Variants in TSPAN5 observed in about 807,000 individuals in gnomAD.
TSPAN5 encodes tetraspanin 5.
A neutral mutation model predicts 37.1 loss-of-function variants in TSPAN5; 10 were observed. That is an observed-to-expected ratio of 0.27 (90% confidence interval 0.17 to 0.46). TSPAN5 has a LOEUF of 0.46. Ranked by LOEUF, TSPAN5 falls within the 20% of genes least tolerant of loss-of-function variation. The pLI, the probability that TSPAN5 is intolerant of heterozygous loss-of-function variation, is 1.00. For missense variants in TSPAN5, 195 were observed against 326.6 expected, an observed-to-expected ratio of 0.60 and a Z score of 3.11; for synonymous variants, 110 against 118.9, an observed-to-expected ratio of 0.93 and a Z score of 0.48.
At chr4:98,570,298 A>C (rs1156428067) in intron 1 of TSPAN5, among the ~76,000 whole-genome samples, 2 of 152,202 alleles carry the variant, frequency 1.3e-5, no homozygotes, top group Non-Finnish European at 2.9e-5. Flanking sequence ...AGAAACTCCC[A>C]AAAAAATAAA....
chr4:98,649,066 C>T (rs576409674), intron 1 of TSPAN5, among the ~76,000 whole-genome samples: 11 of 152,270 alleles, frequency 7.2e-5, no homozygotes, highest in African/African-American at 2.2e-4. Context: ...GATAAAAACC[C>T]ACACGAGGAG....
intron 1 of TSPAN5, among the ~76,000 whole-genome samples, chr4:98,654,596 C>A (rs1193284687): frequency 6.6e-6 from 1 of 152,164 alleles, no homozygotes; most frequent in African/African-American, 2.4e-5. Flanking sequence ...AACAAGTTTT[C>A]CCCCACCAGC....
At chr4:98,573,801 T>C (rs958419317) in intron 1 of TSPAN5, among the ~76,000 whole-genome samples, 9 of 152,150 alleles carry the variant, frequency 5.9e-5, no homozygotes, top group Non-Finnish European at 1.0e-4. Flanking sequence ...TGGATAAAAA[T>C]TATCCCAAAA....
At chr4:98,552,669 C>G (rs552686281) in intron 1 of TSPAN5, among the ~76,000 whole-genome samples, 1 of 152,238 alleles carries the variant, frequency 6.6e-6, no homozygotes, top group African/African-American at 2.4e-5. Flanking sequence ...GATTTCTATT[C>G]AAGTATTTTC....
intron 1 of TSPAN5, among the ~76,000 whole-genome samples, chr4:98,611,066 G>A (rs539208307): frequency 5.3e-5 from 8 of 152,268 alleles, no homozygotes; most frequent in South Asian, 2.1e-4. Context: ...GGTGACAAAC[G>A]GAGCCATCTG....
At chr4:98,637,720 T>C (rs752845849) in intron 1 of TSPAN5, among the ~76,000 whole-genome samples, 4 of 152,206 alleles carry the variant, frequency 2.6e-5, no homozygotes, top group Non-Finnish European at 5.9e-5. Flanking sequence ...AAACAATTGT[T>C]CTGAACAAAT....
intron 2 of TSPAN5, among the ~76,000 whole-genome samples, chr4:98,505,230 T>TA (rs887952181): frequency 3.3e-5 from 5 of 151,100 alleles, no homozygotes; most frequent in South Asian, 2.1e-4. Flanking sequence ...AGAGTGATCT[T>TA]AAAAAAAAAG....
At chr4:98,565,595 T>C (rs1172097275) in intron 1 of TSPAN5, among the ~76,000 whole-genome samples, 3 of 152,250 alleles carry the variant, frequency 2.0e-5, no homozygotes, top group African/African-American at 7.2e-5. Context: ...TGACACCACC[T>C]ACATACATCT....
chr4:98,657,960 T>C (rs962615804), intron 1 of TSPAN5, among the ~76,000 whole-genome samples, 186 bp downstream of exon 1: 1 of 152,170 alleles, frequency 6.6e-6, no homozygotes, highest in Non-Finnish European at 1.5e-5. Context: ...CTCTTCCCAT[T>C]CCTCGAAAGG....
chr4:98,509,342 T>A (rs1753552275), intron 1 of TSPAN5, among the ~76,000 whole-genome samples: 1 of 152,218 alleles, frequency 6.6e-6, no homozygotes, highest in African/African-American at 2.4e-5. Flanking sequence ...GAGTTCCTGA[T>A]ACTTTGTAAG....
At chr4:98,472,625 T>C in intron 7 of TSPAN5, 38 bp from the exon 8 acceptor site, 1 of 1,553,624 alleles carries the variant, frequency 6.4e-7, no homozygotes, top group Non-Finnish European at 8.8e-7. Context: ...ACAGTGACAC[T>C]TGTAACTTGT....
chr4:98,628,956 C>G (rs530895447), intron 1 of TSPAN5, among the ~76,000 whole-genome samples: 1 of 152,292 alleles, frequency 6.6e-6, no homozygotes, highest in African/African-American at 2.4e-5. Context: ...TAATCTTTAA[C>G]TGAAAACACT....
chr4:98,650,415 C>T (rs191378653), intron 1 of TSPAN5, among the ~76,000 whole-genome samples: 2 of 152,002 alleles, frequency 1.3e-5, no homozygotes, highest in Non-Finnish European at 2.9e-5. Flanking sequence ...AGGAGGGCAG[C>T]CCCAGGAGGA....
intron 1 of TSPAN5, among the ~76,000 whole-genome samples, chr4:98,570,538 G>A (rs1755095562): frequency 6.6e-6 from 1 of 152,110 alleles, no homozygotes; most frequent in African/African-American, 2.4e-5. Context: ...AATGTGCCTT[G>A]TCTATAGGGC....
intron 1 of TSPAN5, among the ~76,000 whole-genome samples, chr4:98,607,369 G>C (rs776370619): frequency 7.9e-5 from 12 of 152,192 alleles, no homozygotes; most frequent in Non-Finnish European, 1.8e-4. Flanking sequence ...GTTGAGGAAT[G>C]CGACATGTGA....
intron 1 of TSPAN5, among the ~76,000 whole-genome samples, chr4:98,544,897 T>G (rs947993492): frequency 3.9e-5 from 6 of 152,212 alleles, no homozygotes; most frequent in Admixed American, 2.6e-4. Flanking sequence ...GGAAGTCTTA[T>G]GTTCAGGGGA....
intron 2 of TSPAN5, among the ~76,000 whole-genome samples, chr4:98,487,121 GGAGGAAGGGAGGAAGC>G (rs1305113493): frequency 6.7e-6 from 1 of 149,080 alleles, no homozygotes; most frequent in East Asian, 2.0e-4. Context: ...GAAACAAAAG[GGAGGAAGGGAGGAAGC>G]GAGGAAGGGA....
intron 1 of TSPAN5, among the ~76,000 whole-genome samples, chr4:98,586,801 G>A (rs77185135): frequency 0.078 from 11,805 of 152,302 alleles, 503 homozygotes; most frequent in South Asian, 0.1. Context: ...ACACAATAGC[G>A]TGCACATGCA....
intron 1 of TSPAN5, among the ~76,000 whole-genome samples, chr4:98,613,026 G>A (rs908713372): frequency 1.3e-4 from 19 of 151,832 alleles, no homozygotes; most frequent in South Asian, 8.3e-4. Flanking sequence ...CCTCACAGAC[G>A]TACACACCAA....
Sources: allele counts gnomAD v4.1 joint callset (sites outside exome capture counted in the v4.1 genomes callset), GRCh38; gene constraint gnomAD v4.1.1; transcripts MANE v1.5; gene names NCBI Gene and HGNC (gene_info 2026-07-23, HGNC 2026-07-21).